RP2: variants seen among roughly 807,000 people sequenced by gnomAD.
RP2 encodes the protein RP2 activator of ARL3 GTPase, also known as protein XRP2.
Under a neutral mutation model 20.3 loss-of-function variants are expected in RP2, and 3 were observed. That is an observed-to-expected ratio of 0.15 (90% CI 0.07 to 0.38). RP2 has a LOEUF of 0.38. Ranked by LOEUF, RP2 falls within the 10% of genes least tolerant of loss-of-function variation. The probability of loss-of-function intolerance (pLI) is 1.00; values close to 1 mark genes in which losing one functional copy is unlikely to be tolerated. For missense variants in RP2, 233 were observed against 268.5 expected (o/e 0.87, Z 0.92); for synonymous variants, 75 against 94.8 (o/e 0.79, Z 1.22).
At chrX:46,856,370 T>A (rs1297988373) in intron 2 of RP2, among the ~76,000 whole-genome samples, 2 of 111,463 alleles carry the variant, frequency 1.8e-5, no homozygotes, top group Non-Finnish European at 3.8e-5. Context: ...AAGAATGATA[T>A]TCTTTAGATA....
chrX:46,848,348 T>TA (rs1360634293), intron 1 of RP2, among the ~76,000 whole-genome samples: 5 of 109,743 alleles, frequency 4.6e-5, no homozygotes, highest in Non-Finnish European at 7.6e-5. Flanking sequence ...ATTAAATTGA[T>TA]ATCAGACGAA....
At chrX:46,851,959 C>T (rs1485600027) in intron 1 of RP2, among the ~76,000 whole-genome samples, 8 of 111,139 alleles carry the variant, frequency 7.2e-5, no homozygotes, top group South Asian at 7.5e-4. Flanking sequence ...CCCAGCAACT[C>T]GGGAGGCTGA....
rs1491168403 is a variant in RP2 at position 46,877,704 on chromosome X, G to GTGTGTT, written c.969+119_969+120insTTGTGT. ...CCTAATGTTGCTTGGAATTTTTGGG[G>GTGTGTT]TGTGTGTGTGTGTGTGTGTGTGTGT... On this transcript the variant is annotated intron_variant, in intron 4 of 4. Transcript: ENST00000218340. 1.1e-5 allele frequency: 3 copies of GTGTGTT among 260,919 alleles called. No individual in the cohort carries two copies. The East Asian group carries it at 1.7e-4, about 14-fold the overall frequency. 21.5% of individuals were successfully genotyped at this position (260,919 alleles called of 1,213,427 possible). A position where few individuals can be genotyped will look rare whatever the true frequency, so the allele number is the denominator to read the frequency against.
chrX:46,837,216 T>G lies in RP2; in HGVS notation c.102+14T>G, dbSNP rs1556313562. 8.6e-7 allele frequency: 1 copy of G among 1,161,161 alleles called. No individual in the cohort carries two copies. The highest frequency in any genetic ancestry group is 1.9e-5 in the South Asian group (1 of 52,545). On this transcript the variant is annotated intron_variant, in intron 1 of 4. Coordinates refer to ENST00000218340, the MANE Select transcript of RP2 (RefSeq NM_006915.3). ...CAGCGCGAGAAGGTAATGAAAGTCG[T>G]GTAGCCGCCGTCTCAGCCTCCCTGA... is the stretch of plus-strand genomic sequence containing the variant.
At chrX:46,853,347 T>C in intron 1 of RP2, 129 bp from the exon 2 acceptor site, 2 of 554,716 alleles carry the variant, frequency 3.6e-6, no homozygotes, top group African/African-American at 4.6e-5. Flanking sequence ...TGTTACTGTG[T>C]TTCAAAGTCA....
intron 3 of RP2, among the ~76,000 whole-genome samples, chrX:46,870,710 C>T (rs1925275892): frequency 8.9e-6 from 1 of 112,085 alleles, no homozygotes; most frequent in African/African-American, 3.2e-5. Flanking sequence ...GCATGCACAT[C>T]AGGCAATTCT....
At chrX:46,840,788 C>A (rs1556314750) in intron 1 of RP2, among the ~76,000 whole-genome samples, 3 of 112,155 alleles carry the variant, frequency 2.7e-5, no homozygotes, top group Non-Finnish European at 1.9e-5. Flanking sequence ...CATACTTTTC[C>A]TCCTAGATAA....
chrX:46,864,347 CTTTTT>C (rs782091799), intron 3 of RP2, among the ~76,000 whole-genome samples: 1 of 95,242 alleles, frequency 1.0e-5, no homozygotes, highest in Non-Finnish European at 2.1e-5. Flanking sequence ...TCCTTCCTTT[CTTTTT>C]TTTTTTTTTT....
chrX:46,877,703 GGTGTGTGTGTGTGTGTGT>G (rs397959535), intron 4 of RP2, 113 bp downstream of exon 4: 18 of 377,300 alleles, frequency 4.8e-5, no homozygotes, highest in Middle Eastern at 1.4e-3. Flanking sequence ...GAATTTTTGG[GGTGTGTGTGTGTGTGTGT>G]GTGTGTGTGT....
Position 46,862,663 on chromosome X carries a change from AAAACAAAC to A in RP2, c.883+2577_883+2584del, listed in dbSNP as rs781984106. On this transcript the variant is annotated intron_variant, in intron 3 of 4. Coordinates refer to ENST00000218340, the MANE Select transcript of RP2 (RefSeq NM_006915.3). ...CGACAGAGCAAGACTCTGTCTCAAA[AAAACAAAC>A]AAACAAACAAACAAAAAAACCCAAC... 6.0e-4 allele frequency among the ~76,000 whole-genome samples: 67 copies of A among 111,853 alleles called. 1 individual carries two copies. The highest frequency in any genetic ancestry group is 2.0e-3 in the African/African-American group (61 of 30,744).
At position 46,853,515 on chromosome X, in the gene RP2, G is replaced by A. The variant is rs1242455423; in HGVS notation, c.142G>A (p.Glu48Lys). ...CTACATGTTCAGTGGACTGAAGGATGAAACAGTAGGTCGCTTACCTGGGAC... is the reference window on the plus strand; with the variant it reads ...CTACATGTTCAGTGGACTGAAGGATAAAACAGTAGGTCGCTTACCTGGGAC... ...KDYMFSGLKDETVGRLPGTVA... is the reference protein window; with the variant it reads ...KDYMFSGLKDKTVGRLPGTVA... Residue 48 changes from glutamate to lysine, a missense_variant, in exon 2 of 5, where the codon GAA (glutamate) becomes AAA (lysine). Around this residue, in one of 3 missense-constraint regions of RP2, gnomAD observed 77 missense variants for 71.8 expected, o/e 1.07. Transcript: ENST00000218340. 6 of 1,209,042 alleles carry A rather than the reference G, an allele frequency of 5.0e-6. No individual in the cohort carries two copies. In the African/African-American group the frequency reaches 8.7e-5, roughly 18 times the overall value.
chrX:46,879,080 A>AAAC (rs1556328230), intron 4 of RP2, among the ~76,000 whole-genome samples: 1 of 99,729 alleles, frequency 1.0e-5, no homozygotes, highest in Non-Finnish European at 2.0e-5. Context: ...AAAAAAAAAA[A>AAAC]AAAAAAAAAA....
chrX:46,856,062 G>A (rs1924954509), intron 2 of RP2, among the ~76,000 whole-genome samples: 1 of 111,318 alleles, frequency 9.0e-6, no homozygotes, highest in Non-Finnish European at 1.9e-5. Context: ...TGTGCTTCTG[G>A]CTTTTGAGCT....
intron 1 of RP2, among the ~76,000 whole-genome samples, chrX:46,843,297 G>A (rs782115676): frequency 9.0e-6 from 1 of 111,525 alleles, no homozygotes; most frequent in Non-Finnish European, 1.9e-5. Context: ...GTGAGCCACC[G>A]CGACTGGCCT....
chrX:46,861,217 A>C (rs1309078584), intron 3 of RP2, among the ~76,000 whole-genome samples: 1 of 112,271 alleles, frequency 8.9e-6, no homozygotes, highest in Non-Finnish European at 1.9e-5. Flanking sequence ...TAAAGTGAGC[A>C]TATCGGTAGA....
chrX:46,858,474 AT>A (rs1467061059), intron 2 of RP2, among the ~76,000 whole-genome samples: 152 of 102,840 alleles, frequency 1.5e-3, no homozygotes, highest in Middle Eastern at 4.9e-3. Context: ...ATATGACTAC[AT>A]TTTTTTTTTT....
intron 3 of RP2, among the ~76,000 whole-genome samples, chrX:46,872,894 C>T (rs974393182): frequency 8.2e-5 from 9 of 110,145 alleles, no homozygotes; most frequent in African/African-American, 2.6e-4. Flanking sequence ...TGGGCTACTA[C>T]GCCTGGCTAA....
chrX:46,868,799 A>AAAAAG (rs1925227289), intron 3 of RP2, among the ~76,000 whole-genome samples: 1 of 101,997 alleles, frequency 9.8e-6, no homozygotes, highest in Non-Finnish European at 2.0e-5. Context: ...AAAAAAAAAA[A>AAAAAG]AAAAGAATGT....
At chrX:46,858,451 T>C (rs781837661) in intron 2 of RP2, among the ~76,000 whole-genome samples, 5 of 111,266 alleles carry the variant, frequency 4.5e-5, no homozygotes, top group African/African-American at 9.8e-5. Context: ...TTGCTAAAAA[T>C]TAAGTGGTTG....
Sources: gnomAD v4.1 joint callset for allele counts (sites outside exome capture counted in the v4.1 genomes callset) on GRCh38, gnomAD v4.1.1 for gene constraint, gnomAD v4.1.1 regional missense constraint, MANE v1.5 for transcripts, NCBI Gene and HGNC (gene_info 2026-07-23, HGNC 2026-07-21) for gene names.